The following SCHIP1 variants were observed in gnomAD, a reference collection of about 807,000 sequenced individuals.
SCHIP1 encodes schwannomin interacting protein 1, also known as schwannomin-interacting protein 1.
A neutral mutation model predicts 29.7 loss-of-function variants in SCHIP1; 8 were observed. The ratio of observed to expected loss-of-function variants is 0.27; its 90% confidence interval spans 0.16 to 0.49. The LOEUF (loss-of-function observed/expected upper bound fraction) is 0.49. SCHIP1 is among the 20% of genes least tolerant of loss of function. The pLI is 0.99. For synonymous variants in SCHIP1, 76 were observed against 94.9 expected, an observed-to-expected ratio of 0.80 and a Z score of 1.16; for missense variants, 193 against 294.6, an observed-to-expected ratio of 0.66 and a Z score of 2.52.
At chr3:159,343,562 A>C in the SCHIP1 span, among the ~76,000 whole-genome samples, 1 of 152,182 alleles carries the variant, frequency 6.6e-6, no homozygotes. Flanking sequence ...GGCAAATCAC[A>C]AGAGGGCAAG....
the SCHIP1 span, among the ~76,000 whole-genome samples, chr3:159,668,930 A>G: frequency 6.6e-6 from 1 of 152,128 alleles, no homozygotes; most frequent in East Asian, 1.9e-4. Flanking sequence ...ATTATGAGAC[A>G]GTTCTACCTC....
the SCHIP1 span, among the ~76,000 whole-genome samples, chr3:159,551,391 CT>C: frequency 6.6e-6 from 1 of 152,168 alleles, no homozygotes; most frequent in Admixed American, 6.6e-5. Context: ...CTAAAATGGC[CT>C]GCTGCGTAGC....
chr3:159,623,293 G>T, the SCHIP1 span, among the ~76,000 whole-genome samples: 4 of 152,118 alleles, frequency 2.6e-5, no homozygotes, highest in African/African-American at 9.7e-5. Context: ...TCATAGGAAT[G>T]GGAAACTTGA....
At chr3:159,295,268 A>AAG in the SCHIP1 span, among the ~76,000 whole-genome samples, 6 of 144,890 alleles carry the variant, frequency 4.1e-5, 1 homozygote. Flanking sequence ...AAAAAAAAAA[A>AAG]AAAAAAAACA....
chr3:159,590,960 A>G, the SCHIP1 span, among the ~76,000 whole-genome samples: 31,077 of 151,756 alleles, frequency 0.2, 8,649 homozygotes, highest in African/African-American at 0.63. Flanking sequence ...TTTTTATTCC[A>G]CCTCCCATTC....
At chr3:159,382,836 T>C in the SCHIP1 span, among the ~76,000 whole-genome samples, 1 of 152,352 alleles carries the variant, frequency 6.6e-6, no homozygotes, top group Middle Eastern at 3.4e-3. Context: ...GTGGTTTTGA[T>C]TTGCATTTCT....
chr3:159,856,544 A>C (rs950273049), intron 1 of SCHIP1, among the ~76,000 whole-genome samples: 1 of 152,200 alleles, frequency 6.6e-6, no homozygotes, highest in African/African-American at 2.4e-5. Flanking sequence ...ATGGCAGAAG[A>C]CTGGCTCCAA....
chr3:159,556,376 T>C, the SCHIP1 span, among the ~76,000 whole-genome samples: 1 of 152,082 alleles, frequency 6.6e-6, no homozygotes, highest in Non-Finnish European at 1.5e-5. Flanking sequence ...CTCAGGGATC[T>C]AGAACTAGAA....
chr3:159,766,175 C>A, the SCHIP1 span, among the ~76,000 whole-genome samples: 1 of 152,182 alleles, frequency 6.6e-6, no homozygotes. Context: ...TGTGTGGCAG[C>A]TGTGTGGCAG....
the SCHIP1 span, among the ~76,000 whole-genome samples, chr3:159,636,495 T>A: frequency 2.9e-3 from 440 of 152,326 alleles, 3 homozygotes; most frequent in African/African-American, 9.9e-3. Context: ...TAGACTTTTT[T>A]AAAAAATCAA....
At chr3:159,379,055 G>A in the SCHIP1 span, among the ~76,000 whole-genome samples, 2 of 152,178 alleles carry the variant, frequency 1.3e-5, no homozygotes, top group Non-Finnish European at 2.9e-5. Context: ...AACAGTGGCT[G>A]TGTTTGTCTC....
the SCHIP1 span, among the ~76,000 whole-genome samples, chr3:159,460,358 T>C: frequency 6.6e-6 from 1 of 152,134 alleles, no homozygotes; most frequent in Non-Finnish European, 1.5e-5. Flanking sequence ...CAAGGAATAG[T>C]TGTAGAGCAT....
the SCHIP1 span, among the ~76,000 whole-genome samples, chr3:159,829,607 A>G: frequency 6.6e-6 from 1 of 152,190 alleles, no homozygotes; most frequent in Non-Finnish European, 1.5e-5. Flanking sequence ...AGCATATTTA[A>G]TTTATCCTGC....
At chr3:159,586,970 G>C in the SCHIP1 span, among the ~76,000 whole-genome samples, 4 of 152,178 alleles carry the variant, frequency 2.6e-5, no homozygotes, top group African/African-American at 9.7e-5. Context: ...CGTGTCAGCA[G>C]AGAGAGGAAG....
chr3:159,287,817 TCTTAA>T, the SCHIP1 span, among the ~76,000 whole-genome samples: 1 of 152,210 alleles, frequency 6.6e-6, no homozygotes, highest in Non-Finnish European at 1.5e-5. Context: ...GCATGCTGGA[TCTTAA>T]CTTCCATGCT....
At chr3:159,289,938 G>A in the SCHIP1 span, among the ~76,000 whole-genome samples, 1 of 152,184 alleles carries the variant, frequency 6.6e-6, no homozygotes, top group Non-Finnish European at 1.5e-5. Flanking sequence ...TACTCCACTA[G>A]AGCAGAATGC....
At chr3:159,660,819 CCAAAGGGATTAGAA>C in the SCHIP1 span, among the ~76,000 whole-genome samples, 2 of 152,030 alleles carry the variant, frequency 1.3e-5, no homozygotes, top group East Asian at 3.9e-4. Context: ...AGAAGTTGGC[CCAAAGGGATTAGAA>C]CAAAGGGAAA....
the SCHIP1 span, among the ~76,000 whole-genome samples, chr3:159,705,737 C>T: frequency 2.0e-5 from 3 of 152,026 alleles, no homozygotes; most frequent in African/African-American, 4.8e-5. Flanking sequence ...GATGGAGTCT[C>T]GCTCTGTCGC....
the SCHIP1 span, among the ~76,000 whole-genome samples, chr3:159,454,977 A>G: frequency 1.3e-5 from 2 of 152,132 alleles, no homozygotes; most frequent in African/African-American, 2.4e-5. Context: ...GTTTTTTAAA[A>G]CTCTTTTTCC....
Sources: allele counts gnomAD v4.1 joint callset (sites outside exome capture counted in the v4.1 genomes callset), GRCh38; gene constraint gnomAD v4.1.1; transcripts MANE v1.5; gene names NCBI Gene and HGNC (gene_info 2026-07-23, HGNC 2026-07-21).